The following ZFHX3 variants were observed in gnomAD, a reference collection of about 807,000 sequenced individuals.
ZFHX3 encodes zinc finger homeobox protein 3.
A neutral mutation model predicts 279.1 loss-of-function variants in ZFHX3; 42 were observed. The observed-to-expected ratio is 0.15, with a 90% CI of 0.12 to 0.19. The LOEUF (loss-of-function observed/expected upper bound fraction) is 0.19. Ranked by LOEUF, ZFHX3 falls within the 10% of genes least tolerant of loss-of-function variation. ZFHX3 has a pLI of 1.00. For synonymous variants in ZFHX3, 2,293 were observed against 1,957.8 expected, an observed-to-expected ratio of 1.17 and a Z score of -4.52; for missense variants, 4,981 against 4,754.0, an observed-to-expected ratio of 1.05 and a Z score of -1.40.
chr16:73,691,605 A>C (rs2053150679), intron 1 of ZFHX3, among the ~76,000 whole-genome samples: 1 of 152,220 alleles, frequency 6.6e-6, no homozygotes, highest in Non-Finnish European at 1.5e-5. Flanking sequence ...GATATCATAT[A>C]ATCTTTACAA....
intron 8 of ZFHX3, among the ~76,000 whole-genome samples, chr16:73,070,934 GCGCGCACACACACA>G (rs1310986868): frequency 3.3e-4 from 23 of 69,274 alleles, no homozygotes; most frequent in East Asian, 1.1e-3. Flanking sequence ...GCGCGCGCGC[GCGCGCACACACACA>G]CACACACACA....
chr16:73,851,900 A>G (rs72805038), intron 1 of ZFHX3, among the ~76,000 whole-genome samples: 2,360 of 152,202 alleles, frequency 0.016, 38 homozygotes, highest in Non-Finnish European at 0.025. Context: ...GATTGTCACA[A>G]TGATAGGGGA....
intron 7 of ZFHX3, among the ~76,000 whole-genome samples, chr16:73,111,522 T>G (rs1230942041): frequency 6.6e-6 from 1 of 151,974 alleles, no homozygotes; most frequent in African/African-American, 2.4e-5. Flanking sequence ...CACTCTCCTA[T>G]GTTTCAACTG....
chr16:73,729,144 G>T (rs765220237), intron 1 of ZFHX3, among the ~76,000 whole-genome samples: 2 of 152,162 alleles, frequency 1.3e-5, no homozygotes, highest in Non-Finnish European at 2.9e-5. Flanking sequence ...GGGTCCCCAA[G>T]AGGAAGGAAT....
intron 2 of ZFHX3, among the ~76,000 whole-genome samples, chr16:73,634,030 T>C (rs1477224776): frequency 6.6e-6 from 1 of 152,164 alleles, no homozygotes; most frequent in Non-Finnish European, 1.5e-5. Context: ...TAAGAGCAAC[T>C]ATTAAATGAC....
intron 7 of ZFHX3, among the ~76,000 whole-genome samples, chr16:72,801,657 A>T (rs1033490694): frequency 2.6e-5 from 4 of 152,316 alleles, no homozygotes; most frequent in Admixed American, 6.5e-5. Context: ...AATGTGTGTG[A>T]CATAGCATTC....
At chr16:73,880,444 C>T (rs575571676) in intron 1 of ZFHX3, among the ~76,000 whole-genome samples, 7 of 152,058 alleles carry the variant, frequency 4.6e-5, no homozygotes, top group Non-Finnish European at 1.0e-4. Flanking sequence ...CAGGATTTGA[C>T]GTAATTTGCA....
intron 4 of ZFHX3, among the ~76,000 whole-genome samples, chr16:73,303,565 G>T (rs1597273070): frequency 6.6e-6 from 1 of 152,048 alleles, no homozygotes; most frequent in East Asian, 1.9e-4. Context: ...AACAAAAAGA[G>T]AAAAAGTCAC....
Position 73,881,492 on chromosome 16 carries a change from C to CCCA in ZFHX3, c.-1608+10158_-1608+10159insTGG, listed in dbSNP as rs1461249715. On this transcript the variant is annotated intron_variant, in intron 1 of 17. Coordinates refer to the ZFHX3 transcript ENST00000641206. ...TCTCTCTCTCTCTGCCCCCCCCCCC[C>CCCA]ACTCTGCCCATGGTTACTGCTACTC... is the stretch of plus-strand genomic sequence containing the variant. 1.8e-3 allele frequency among the ~76,000 whole-genome samples: 173 copies of CCCA among 93,636 alleles called. 5 individuals carry two copies. Among genetic ancestry groups the CCCA allele is most frequent in the Non-Finnish European group, 3.6e-3 (132 of 36,740 alleles). The allele number at this position is 93,636 out of a possible 152,430, so 61.4% of individuals were successfully genotyped here.
At chr16:73,641,989 C>A (rs750401831) in intron 2 of ZFHX3, among the ~76,000 whole-genome samples, 9 of 151,960 alleles carry the variant, frequency 5.9e-5, no homozygotes, top group African/African-American at 1.2e-4. Context: ...CATGCTCCTC[C>A]GACTCCTCCC....
At chr16:73,788,759 G>C (rs1024633280) in intron 1 of ZFHX3, among the ~76,000 whole-genome samples, 1 of 148,356 alleles carries the variant, frequency 6.7e-6, no homozygotes, top group Admixed American at 7.0e-5. Context: ...TAGATCATGA[G>C]GTCAGGAAAT....
intron 3 of ZFHX3, among the ~76,000 whole-genome samples, chr16:72,931,284 G>T (rs948702824): frequency 6.6e-6 from 1 of 152,114 alleles, no homozygotes; most frequent in African/African-American, 2.4e-5. Flanking sequence ...CATCGTTTCA[G>T]ATGTTAAAGA....
At chr16:73,183,082 G>A (rs908023254) in intron 5 of ZFHX3, among the ~76,000 whole-genome samples, 1 of 152,152 alleles carries the variant, frequency 6.6e-6, no homozygotes, top group Non-Finnish European at 1.5e-5. Flanking sequence ...GTGGGCGCCT[G>A]TAGTCCCAGC....
At chr16:73,132,256 G>T (rs1433168224) in intron 6 of ZFHX3, among the ~76,000 whole-genome samples, 4 of 152,082 alleles carry the variant, frequency 2.6e-5, no homozygotes, top group Non-Finnish European at 1.5e-5. Flanking sequence ...CTGCACTCTA[G>T]CCTGGGTGAC....
intron 2 of ZFHX3, among the ~76,000 whole-genome samples, chr16:73,637,911 A>G (rs981179474): frequency 6.6e-6 from 1 of 152,228 alleles, no homozygotes; most frequent in Admixed American, 6.5e-5. Context: ...AAGGGTCAGA[A>G]AATATAAAAT....
At chr16:73,277,452 C>A (rs1180375230) in intron 4 of ZFHX3, among the ~76,000 whole-genome samples, 1 of 152,014 alleles carries the variant, frequency 6.6e-6, no homozygotes, top group Non-Finnish European at 1.5e-5. Context: ...TAGATGAAAT[C>A]TTTATTAAAA....
At chr16:73,848,012 G>A (rs1257442863) in intron 1 of ZFHX3, among the ~76,000 whole-genome samples, 1 of 148,974 alleles carries the variant, frequency 6.7e-6, no homozygotes, top group African/African-American at 2.5e-5. Flanking sequence ...ACCCACCTCG[G>A]CTTCCCAAAG....
At chr16:73,721,303 G>A (rs187097921) in intron 1 of ZFHX3, among the ~76,000 whole-genome samples, 2 of 152,096 alleles carry the variant, frequency 1.3e-5, no homozygotes, top group African/African-American at 2.4e-5. Context: ...TGTATTTTTA[G>A]TAGAGATGGG....
chr16:73,457,836 A>T (rs2143574027), intron 2 of ZFHX3, among the ~76,000 whole-genome samples: 1 of 152,356 alleles, frequency 6.6e-6, no homozygotes. Flanking sequence ...GTGATGACTC[A>T]GTGAAGGAAT....
Sources: allele counts gnomAD v4.1 joint callset (sites outside exome capture counted in the v4.1 genomes callset), GRCh38; gene constraint gnomAD v4.1.1; transcripts MANE v1.5; gene names NCBI Gene and HGNC (gene_info 2026-07-23, HGNC 2026-07-21).